Variants in CACNA1C observed in about 807,000 individuals in gnomAD.
CACNA1C encodes voltage-dependent L-type calcium channel subunit alpha-1C.
Under a neutral mutation model 229.0 loss-of-function variants are expected in CACNA1C, and 30 were observed. The observed-to-expected ratio is 0.13, with a 90% CI of 0.10 to 0.18. The LOEUF (loss-of-function observed/expected upper bound fraction) is 0.18, where lower values mean the gene tolerates loss of function less well. Ranked by LOEUF, CACNA1C falls within the 10% of genes least tolerant of loss-of-function variation. The pLI is 1.00. For missense variants in CACNA1C, 1,658 were observed against 2,845.0 expected, an observed-to-expected ratio of 0.58 and a Z score of 9.49; for synonymous variants, 1,114 against 1,132.5, an observed-to-expected ratio of 0.98 and a Z score of 0.33.
intron 1 of CACNA1C, among the ~76,000 whole-genome samples, chr12:1,986,677 T>C (rs945355246): frequency 1.3e-5 from 2 of 151,596 alleles, no homozygotes; most frequent in Non-Finnish European, 2.9e-5. Context: ...ATTTTTTTTT[T>C]CCTAGCGTTC....
chr12:2,228,086 A>G (rs1217068702), intron 3 of CACNA1C, among the ~76,000 whole-genome samples: 3 of 152,126 alleles, frequency 2.0e-5, no homozygotes, highest in Non-Finnish European at 2.9e-5. Flanking sequence ...TCTGGGACAC[A>G]TGTGAATAGA....
intron 1 of CACNA1C, chr12:2,004,578 C>T (rs1348521125): frequency 2.5e-6 from 3 of 1,203,048 alleles, no homozygotes; most frequent in Non-Finnish European, 3.4e-6. Context: ...CACCCTCCTG[C>T]CCGCCGACAG....
intron 3 of CACNA1C, among the ~76,000 whole-genome samples, chr12:2,355,046 G>T (rs1242512510): frequency 6.6e-6 from 1 of 152,044 alleles, no homozygotes; most frequent in Non-Finnish European, 1.5e-5. Flanking sequence ...TGTAAGGTTG[G>T]ATATTAAACC....
Position 2,236,522 on chromosome 12 carries a change from A to G in CACNA1C, c.477+116092A>G, listed in dbSNP as rs151277616. Among the ~76,000 whole-genome samples, 524 of 152,324 alleles carry G rather than the reference A, an allele frequency of 3.4e-3. 1 individual carries two copies. Among genetic ancestry groups the G allele is most frequent in the African/African-American group, 0.012 (484 of 41,562 alleles). On this transcript the variant is annotated intron_variant, in intron 3 of 46. Coordinates refer to ENST00000399655, the MANE Select transcript of CACNA1C (RefSeq NM_000719.7). ...AAGTTTCCTAGGACTCTAATGGAAA[A>G]TGGAAAGGTTATGTCCCCCTTTTTC...
chr12:2,251,821 G>T (rs1378058825), intron 3 of CACNA1C, among the ~76,000 whole-genome samples: 2 of 152,170 alleles, frequency 1.3e-5, no homozygotes, highest in Non-Finnish European at 2.9e-5. Context: ...CGAGAGGTGG[G>T]GCTGAGGATG....
intron 30 of CACNA1C, among the ~76,000 whole-genome samples, chr12:2,640,529 C>T (rs1362384112): frequency 1.3e-5 from 2 of 152,256 alleles, no homozygotes; most frequent in Non-Finnish European, 2.9e-5. Flanking sequence ...AAGGCAAACG[C>T]CAGGAGGCGC....
At position 2,590,752 on chromosome 12, in the gene CACNA1C, A is replaced by G. The variant is rs565256105; in HGVS notation, c.2531-2461A>G. Among the ~76,000 whole-genome samples, 12 of 152,340 alleles carry G rather than the reference A, an allele frequency of 7.9e-5. No homozygotes were observed. The East Asian group carries it at 2.1e-3, about 27-fold the overall frequency. ...TAGGAAGTTCGAATGGCACAAAGCTATAGTAAATATGGGTTTCTGTAAACA... is the reference window on the plus strand; with the variant it reads ...TAGGAAGTTCGAATGGCACAAAGCTGTAGTAAATATGGGTTTCTGTAAACA... On this transcript the variant is annotated intron_variant, in intron 18 of 46. Coordinates refer to ENST00000399655, the MANE Select transcript of CACNA1C (RefSeq NM_000719.7).
intron 3 of CACNA1C, among the ~76,000 whole-genome samples, chr12:2,291,713 T>C (rs1025767004): frequency 4.6e-5 from 7 of 152,158 alleles, no homozygotes; most frequent in East Asian, 1.9e-4. Context: ...TCCAGGCTGC[T>C]TTTGATTGGC....
chr12:2,142,838 C>T (rs891923192), intron 3 of CACNA1C, among the ~76,000 whole-genome samples: 4 of 150,944 alleles, frequency 2.6e-5, no homozygotes, highest in African/African-American at 9.7e-5. Context: ...TTTTGTACAG[C>T]TATACAGTGT....
intron 3 of CACNA1C, among the ~76,000 whole-genome samples, chr12:2,432,119 C>CA (rs915820580): frequency 3.3e-5 from 5 of 151,836 alleles, no homozygotes; most frequent in Admixed American, 1.3e-4. Context: ...GAGACACCCA[C>CA]AAAAAAAAGC....
intron 1 of CACNA1C, among the ~76,000 whole-genome samples, chr12:2,107,511 G>A (rs1277621138): frequency 6.6e-6 from 1 of 151,602 alleles, no homozygotes; most frequent in Admixed American, 6.6e-5. Flanking sequence ...GAAGCCACTG[G>A]GTGCTCACCC....
chr12:2,215,119 C>T lies in CACNA1C; in HGVS notation c.477+94689C>T, dbSNP rs557931860. The stretch of plus-strand genomic sequence containing the variant: ...ACGTGTGCTGCATGAGATGGGGAAA[C>T]GAAGCCATGTTTGCCGGCATATCTG... On this transcript the variant is annotated intron_variant, in intron 3 of 46. Transcript: ENST00000399655. The surrounding 1 kb of genome is among the most constrained non-coding windows in gnomAD (Gnocchi z 5.0). 1.1e-4 allele frequency among the ~76,000 whole-genome samples: 17 copies of T among 152,224 alleles called. No individual in the cohort carries two copies. The highest frequency in any genetic ancestry group is 3.6e-4 in the African/African-American group (15 of 41,536).
At chr12:2,584,714 G>C in intron 16 of CACNA1C, 97 bp downstream of exon 16, 1 of 811,206 alleles carries the variant, frequency 1.2e-6, no homozygotes. Context: ...GCTAGCCTCT[G>C]TTGGCTCTCC....
rs146469397 is a variant in CACNA1C at position 2,558,159 on chromosome 12, G to A, written c.1508+1182G>A. 4.9e-4 allele frequency among the ~76,000 whole-genome samples: 74 copies of A among 152,312 alleles called. No individual in the cohort carries two copies. In the East Asian group the frequency reaches 9.6e-3, roughly 20 times the overall value. On this transcript the variant is annotated intron_variant, in intron 11 of 46. Transcript: ENST00000399655. Reference sequence around the variant, plus strand: ...TTGCCTCTCTCCCAGCTCCTCTCTTGGACGGAGCTGGACACATGGCGGAGA... The same window carrying A: ...TTGCCTCTCTCCCAGCTCCTCTCTTAGACGGAGCTGGACACATGGCGGAGA...
chr12:2,421,924 A>G (rs374676644), intron 3 of CACNA1C, among the ~76,000 whole-genome samples: 2 of 149,204 alleles, frequency 1.3e-5, no homozygotes, highest in African/African-American at 5.0e-5. Context: ...AAAAAAAAAA[A>G]GCATCGCAAT....
chr12:2,475,916 G>T (rs1399288702), intron 5 of CACNA1C, among the ~76,000 whole-genome samples: 1 of 152,188 alleles, frequency 6.6e-6, no homozygotes, highest in Non-Finnish European at 1.5e-5. Flanking sequence ...CTGAGTAATA[G>T]TTGCATGGCT....
chr12:1,973,646 C>T (rs945572178), intron 1 of CACNA1C, among the ~76,000 whole-genome samples: 1 of 152,114 alleles, frequency 6.6e-6, no homozygotes, highest in African/African-American at 2.4e-5. Context: ...TACCAAAGGT[C>T]ATATGGAATC....
chr12:2,356,372 G>A lies in CACNA1C; in HGVS notation c.478-92604G>A, dbSNP rs1468868887. 2.0e-5 allele frequency among the ~76,000 whole-genome samples: 3 copies of A among 152,374 alleles called. No individual in the cohort carries two copies. The East Asian group carries it at 5.8e-4, about 29-fold the overall frequency. ...CCCAACTGTCTGTTGAGGAAGGTTG[G>A]AAAAGTGCAGGACTGTCCAGAGTCT... On this transcript the variant is annotated intron_variant, in intron 3 of 46. Coordinates refer to ENST00000399655, the MANE Select transcript of CACNA1C (RefSeq NM_000719.7).
Position 2,601,789 on chromosome 12 carries a change from T to G in CACNA1C, c.2854-65T>G, listed in dbSNP as rs1601708407. The G allele has an allele frequency of 2.0e-6, 2 of 975,920 alleles. No homozygotes were observed. Among genetic ancestry groups the G allele is most frequent in the South Asian group, 2.6e-5 (2 of 77,912 alleles). The allele number at this position is 975,920 out of a possible 1,614,324, so 60.5% of individuals were successfully genotyped here. A position where few individuals can be genotyped will look rare whatever the true frequency, so the allele number is the denominator to read the frequency against. Reference sequence around the variant, plus strand: ...GGGATGCTGTGGGAGGAAGGGGTGGTGTGAGGGGTCTCTGGGCTAGGGCTA... The same window carrying G: ...GGGATGCTGTGGGAGGAAGGGGTGGGGTGAGGGGTCTCTGGGCTAGGGCTA... On this transcript the variant is annotated intron_variant, in intron 21 of 46. Transcript: ENST00000399655. This position sits in a 1 kb window ranked among gnomAD's most constrained non-coding sequence, Gnocchi z 5.9.
Sources: allele counts gnomAD v4.1 joint callset (sites outside exome capture counted in the v4.1 genomes callset), GRCh38; gene constraint gnomAD v4.1.1; non-coding constraint Gnocchi (gnomAD v3.1); transcripts MANE v1.5; gene names NCBI Gene and HGNC (gene_info 2026-07-23, HGNC 2026-07-21).